COPA: variants seen among roughly 807,000 people sequenced by gnomAD.
The protein encoded by COPA is coatomer subunit alpha.
Under a neutral mutation model 158.7 loss-of-function variants are expected in COPA, and 10 were observed. The ratio of observed to expected loss-of-function variants is 0.06; its 90% CI spans 0.04 to 0.11. COPA has a LOEUF of 0.11. Ranked by LOEUF, COPA falls within the 10% of genes least tolerant of loss-of-function variation. COPA has a pLI of 1.00. For missense variants in COPA, 1,065 were observed against 1,536.7 expected (o/e 0.69, Z 5.13); for synonymous variants, 462 against 542.8 (o/e 0.85, Z 2.07).
At chr1:160,339,814 T>C (rs1647951197) in intron 3 of COPA, 95 bp downstream of exon 3, 1 of 1,130,964 alleles carries the variant, frequency 8.8e-7, no homozygotes, top group South Asian at 1.3e-5. Context: ...GAGCTCTGTA[T>C]GAATGAAATT....
chr1:160,291,953 G>C, intron 29 of COPA, 24 bp from the exon 30 acceptor site: 1 of 1,614,162 alleles, frequency 6.2e-7, no homozygotes, highest in Non-Finnish European at 8.5e-7. Flanking sequence ...AGAAGGTCAG[G>C]ATACAGAGAC....
chr1:160,310,269 A>G lies in COPA; in HGVS notation c.1077-11T>C. On this transcript the variant is annotated splice_polypyrimidine_tract_variant and intron_variant, in intron 11 of 32. Coordinates refer to ENST00000241704, the MANE Select transcript of COPA (RefSeq NM_004371.4). ...GGAAACTTGGAACCACTAGAGATATATATAGAAAAAGGAGAAAACAGGGAA... is the reference window on the plus strand; with the variant it reads ...GGAAACTTGGAACCACTAGAGATATGTATAGAAAAAGGAGAAAACAGGGAA... The G allele has an allele frequency of 6.4e-7, 1 of 1,562,846 alleles. No homozygotes were observed. Among genetic ancestry groups the G allele is most frequent in the African/African-American group, 1.4e-5 (1 of 72,728 alleles).
intron 8 of COPA, among the ~76,000 whole-genome samples, chr1:160,321,710 C>T (rs1659334156): frequency 6.6e-6 from 1 of 152,108 alleles, no homozygotes; most frequent in South Asian, 2.1e-4. Context: ...ATCACTTGAA[C>T]CTGGGAGGGG....
chr1:160,297,630 T>C lies in COPA; in HGVS notation c.2093A>G (p.Lys698Arg), dbSNP rs1255936881. 1 of 1,614,176 alleles carries C rather than the reference T, an allele frequency of 6.2e-7. No individual in the cohort carries two copies. ...QIVEMCYQRTKNFDKLSFLYL... is the reference protein window; with the variant it reads ...QIVEMCYQRTRNFDKLSFLYL... ...CAGGAAGGAAAGTTTGTCAAAGTTTTTGGTACGCTGATAGCACATTTCCAC... is the reference window on the plus strand; with the variant it reads ...CAGGAAGGAAAGTTTGTCAAAGTTTCTGGTACGCTGATAGCACATTTCCAC... The change falls in exon 20 of 33, where the codon AAA (lysine) becomes AGA (arginine). Residue 698 changes from lysine (K) to arginine (R), a missense_variant. By Grantham distance (26) the Lys-to-Arg change is conservative. This residue lies in a region of COPA where 980 missense variants were observed against 1,357.8 expected (regional missense o/e 0.72). Transcript: ENST00000241704.
chr1:160,296,877 C>G (rs11265371), intron 21 of COPA, among the ~76,000 whole-genome samples: 65,123 of 152,026 alleles, frequency 0.43, 14,929 homozygotes, highest in South Asian at 0.61. Context: ...CTGCTCACCC[C>G]TCCACTAATA....
At position 160,332,476 on chromosome 1, in the gene COPA, G is replaced by A; in HGVS notation, c.468C>T (p.Asp156=). ...AAATATCCCAAACGCGCACAGTCTG[G>A]TCCAGGCTGGCTGATACTACCAAGT... ...TEDLVVSASL[D]QTVRVWDISG... is the part of the protein sequence containing the mutation. The change falls in exon 6 of 33, where the codon GAC becomes GAT. Residue 156 remains aspartate, a synonymous_variant. Transcript: ENST00000241704. The A allele has an allele frequency of 6.2e-7, 1 of 1,613,762 alleles. No individual in the cohort carries two copies. Among genetic ancestry groups the A allele is most frequent in the Non-Finnish European group, 8.5e-7 (1 of 1,179,914 alleles).
At chr1:160,333,201 G>A (rs1276245865) in intron 5 of COPA, among the ~76,000 whole-genome samples, 1 of 152,242 alleles carries the variant, frequency 6.6e-6, no homozygotes, top group Admixed American at 6.5e-5. Context: ...TGGGATTACA[G>A]GCATGAGCCA....
intron 15 of COPA, 89 bp from the exon 16 acceptor site, chr1:160,305,862 G>A (rs1658770262): frequency 9.9e-7 from 1 of 1,011,474 alleles, no homozygotes; most frequent in Non-Finnish European, 1.6e-6. Flanking sequence ...TCTAATTAAT[G>A]TAAACCCCAA....
In COPA at chr1:160,288,835, C is replaced by A. The variant is rs1195922578; in HGVS notation, c.*1322G>T. 6.6e-6 allele frequency among the ~76,000 whole-genome samples: 1 copy of A among 152,094 alleles called. No homozygotes were observed. The highest frequency in any genetic ancestry group is 1.5e-5 in the Non-Finnish European group (1 of 68,020). ...AACAGTGACAGTCACATGGCAGGTG[C>A]TCAATAAATATTGCTATAATTAGCA... On this transcript the variant is annotated 3_prime_UTR_variant, in exon 33 of 33. Coordinates refer to ENST00000241704, the MANE Select transcript of COPA (RefSeq NM_004371.4).
intron 7 of COPA, among the ~76,000 whole-genome samples, chr1:160,324,308 T>A (rs1449424096): frequency 6.8e-6 from 1 of 146,720 alleles, no homozygotes; most frequent in Non-Finnish European, 1.5e-5. Flanking sequence ...TTTTTTTTTT[T>A]AAGATGAGGT....
intron 5 of COPA, 119 bp from the exon 6 acceptor site, chr1:160,332,676 G>A (rs1647586611): frequency 1.7e-6 from 1 of 598,150 alleles, no homozygotes; most frequent in Non-Finnish European, 2.8e-6. Flanking sequence ...TGGAGACAAA[G>A]GCAGGTCATC....
chr1:160,302,754 C>T (rs1052875318), intron 17 of COPA, among the ~76,000 whole-genome samples: 1 of 151,710 alleles, frequency 6.6e-6, no homozygotes, highest in South Asian at 2.1e-4. Context: ...TGGGGTTTCA[C>T]CGTGTTAGCC....
chr1:160,321,066 T>G (rs920757611), intron 8 of COPA, among the ~76,000 whole-genome samples: 9 of 152,188 alleles, frequency 5.9e-5, no homozygotes, highest in Non-Finnish European at 8.8e-5. Flanking sequence ...AAACATGATA[T>G]ATCACATTAA....
chr1:160,325,196 A>G (rs1201442865), intron 7 of COPA, among the ~76,000 whole-genome samples: 1 of 152,154 alleles, frequency 6.6e-6, no homozygotes, highest in African/African-American at 2.4e-5. Context: ...CCACCTGCAC[A>G]AAAGTTACAC....
chr1:160,323,564 T>C (rs1365125687), intron 7 of COPA, 34 bp from the exon 8 acceptor site: 6 of 1,535,034 alleles, frequency 3.9e-6, no homozygotes, highest in South Asian at 1.2e-5. Context: ...AAAACATCTT[T>C]ATAGTCATTA....
At position 160,292,315 on chromosome 1, in the gene COPA, G is replaced by A. The variant is rs542713475; in HGVS notation, c.2961-117C>T. ...CCTGTCTCCTGTTAAAGTAGCTGGGGAAGAGGATGACAGCAGGTGTAAACC... is the reference window on the plus strand; with the variant it reads ...CCTGTCTCCTGTTAAAGTAGCTGGGAAAGAGGATGACAGCAGGTGTAAACC... On this transcript the variant is annotated intron_variant, in intron 28 of 32. Transcript: ENST00000241704. 3.9e-6 allele frequency: 6 copies of A among 1,547,096 alleles called. 1 individual carries two copies. In the South Asian group the frequency reaches 7.1e-5, roughly 18 times the overall value.
intron 6 of COPA, 79 bp downstream of exon 6, chr1:160,332,369 C>G: frequency 2.3e-6 from 2 of 870,612 alleles, no homozygotes; most frequent in South Asian, 1.8e-5. Flanking sequence ...AGTTCTAAGT[C>G]AACTCTCCTC....
At chr1:160,301,817 T>C (rs975881184) in intron 17 of COPA, among the ~76,000 whole-genome samples, 1 of 151,712 alleles carries the variant, frequency 6.6e-6, no homozygotes, top group African/African-American at 2.4e-5. Context: ...AATAAATAAA[T>C]TCAACATTTA....
intron 6 of COPA, among the ~76,000 whole-genome samples, chr1:160,330,120 A>AC (rs1022091313): frequency 1.4e-3 from 201 of 145,414 alleles, no homozygotes; most frequent in African/African-American, 3.3e-3. Flanking sequence ...CCCCACCGCC[A>AC]CCCCCCCCAA....
Sources: gnomAD v4.1 joint callset for allele counts (sites outside exome capture counted in the v4.1 genomes callset) on GRCh38, gnomAD v4.1.1 for gene constraint, gnomAD v4.1.1 regional missense constraint, MANE v1.5 for transcripts, NCBI Gene and HGNC (gene_info 2026-07-23, HGNC 2026-07-21) for gene names.